UNC5D: variants seen among roughly 807,000 people sequenced by gnomAD.
UNC5D encodes netrin receptor UNC5D.
A neutral mutation model predicts 105.4 loss-of-function variants in UNC5D; 39 were observed. The ratio of observed to expected loss-of-function variants is 0.37; its 90% confidence interval spans 0.29 to 0.48. The LOEUF is 0.48. UNC5D is among the 20% of genes least tolerant of loss of function. The probability of loss-of-function intolerance (pLI) is 0.98; values close to 1 mark genes in which losing one functional copy is unlikely to be tolerated. For missense variants in UNC5D, 991 were observed against 1,202.4 expected (o/e 0.82, Z 2.60); for synonymous variants, 452 against 450.4 (o/e 1.00, Z -0.04).
In UNC5D at chr8:35,636,409, G is replaced by A. The variant is rs551093276; in HGVS notation, c.570+40752G>A. Among the ~76,000 whole-genome samples, 4 of 152,246 alleles carry A rather than the reference G, an allele frequency of 2.6e-5. No homozygotes were observed. In the South Asian group the frequency reaches 8.3e-4, roughly 32 times the overall value. ...CCCGGAGGCTATCCTGTGAATTATG[G>A]GTGTTTGGCAGCATCCCTGAGCTGT... On this transcript the variant is annotated intron_variant, in intron 4 of 16. Transcript: ENST00000404895.
intron 1 of UNC5D, among the ~76,000 whole-genome samples, chr8:35,354,473 GT>G (rs1308420514): frequency 6.6e-6 from 1 of 152,036 alleles, no homozygotes; most frequent in Admixed American, 6.6e-5. Context: ...ATATGCATGT[GT>G]TTTCAAGGTA....
chr8:35,430,784 ATAACCCCT>A (rs1049235605), intron 1 of UNC5D, among the ~76,000 whole-genome samples: 6 of 152,226 alleles, frequency 3.9e-5, no homozygotes, highest in African/African-American at 1.4e-4. Flanking sequence ...CTGAGAACAG[ATAACCCCT>A]ATCAGCTCTG....
At chr8:35,286,274 A>G (rs1806591919) in intron 1 of UNC5D, among the ~76,000 whole-genome samples, 1 of 152,220 alleles carries the variant, frequency 6.6e-6, no homozygotes, top group South Asian at 2.1e-4. Context: ...ACAGAAATCC[A>G]ACTAGCAACT....
chr8:35,477,995 G>A (rs1414830879), intron 1 of UNC5D, among the ~76,000 whole-genome samples: 1 of 152,078 alleles, frequency 6.6e-6, no homozygotes, highest in Non-Finnish European at 1.5e-5. Flanking sequence ...ATCACTAATG[G>A]AGATGAAGAG....
chr8:35,526,482 A>G (rs996891868), intron 1 of UNC5D, among the ~76,000 whole-genome samples: 5 of 152,210 alleles, frequency 3.3e-5, no homozygotes, highest in African/African-American at 4.8e-5. Flanking sequence ...TGTAGTTGTC[A>G]TAATCGTTTT....
intron 1 of UNC5D, among the ~76,000 whole-genome samples, chr8:35,363,799 A>G (rs977751253): frequency 2.6e-5 from 4 of 152,116 alleles, no homozygotes; most frequent in African/African-American, 9.7e-5. Context: ...GGTTCTCTTT[A>G]TTCTTTTTCC....
chr8:35,670,871 TAAAAAGA>T (rs1824747737), intron 4 of UNC5D, among the ~76,000 whole-genome samples: 1 of 152,100 alleles, frequency 6.6e-6, no homozygotes. Flanking sequence ...GAACTTAAAA[TAAAAAGA>T]TGGCAGAATT....
intron 1 of UNC5D, among the ~76,000 whole-genome samples, chr8:35,349,799 C>A (rs1812070970): frequency 6.6e-6 from 1 of 151,882 alleles, no homozygotes; most frequent in Non-Finnish European, 1.5e-5. Flanking sequence ...TATTAAAAGA[C>A]ATATACTCAA....
intron 1 of UNC5D, among the ~76,000 whole-genome samples, chr8:35,243,334 C>T (rs1341306434): frequency 2.0e-5 from 3 of 152,122 alleles, no homozygotes; most frequent in Non-Finnish European, 4.4e-5. Flanking sequence ...AGGGCGCCGT[C>T]CTGATGCAAT....
chr8:35,658,033 G>A lies in UNC5D; in HGVS notation c.571-25514G>A, dbSNP rs35962276. Among the ~76,000 whole-genome samples the A allele has an allele frequency of 1.2e-3, 186 of 152,208 alleles. 1 individual carries two copies. Among genetic ancestry groups the A allele is most frequent in the Middle Eastern group, 3.4e-3 (1 of 294 alleles). On this transcript the variant is annotated intron_variant, in intron 4 of 16. Coordinates refer to ENST00000404895, the MANE Select transcript of UNC5D (RefSeq NM_080872.4). ...GACTACATACATGTTAAACAGGAAG[G>A]CATCATAATATTACCAGTAAACTAA...
chr8:35,691,603 T>C (rs967815290), intron 7 of UNC5D, among the ~76,000 whole-genome samples: 1 of 152,200 alleles, frequency 6.6e-6, no homozygotes, highest in African/African-American at 2.4e-5. Flanking sequence ...GCAGTGCCTT[T>C]ATACTAGAGT....
intron 1 of UNC5D, among the ~76,000 whole-genome samples, chr8:35,500,386 G>C (rs1422280939): frequency 2.0e-5 from 3 of 152,266 alleles, no homozygotes; most frequent in African/African-American, 7.2e-5. Context: ...CCATTCATGA[G>C]GGCAGAGAGA....
intron 1 of UNC5D, among the ~76,000 whole-genome samples, chr8:35,478,492 A>G (rs770152420): frequency 7.9e-5 from 12 of 152,310 alleles, no homozygotes; most frequent in Admixed American, 1.3e-4. Context: ...TTACATATCT[A>G]TTCTCACTAG....
intron 1 of UNC5D, among the ~76,000 whole-genome samples, chr8:35,453,925 C>A (rs1043415580): frequency 1.3e-5 from 2 of 152,136 alleles, no homozygotes; most frequent in South Asian, 4.1e-4. Context: ...TCTTTCCTCT[C>A]CCCTACCCCC....
chr8:35,612,723 C>CTTTTTTT (rs57450378), intron 4 of UNC5D, among the ~76,000 whole-genome samples: 31 of 64,748 alleles, frequency 4.8e-4, no homozygotes, highest in African/African-American at 9.2e-4. Context: ...AATGTTTTGC[C>CTTTTTTT]TTTTTTTTTT....
rs577091945 is a variant in UNC5D, at chr8:35,720,660, G to A, written c.1118-1550G>A. 9.9e-5 allele frequency among the ~76,000 whole-genome samples: 15 copies of A among 152,264 alleles called. No homozygotes were observed. The East Asian group carries it at 2.5e-3, about 26-fold the overall frequency. On this transcript the variant is annotated intron_variant, in intron 8 of 16. Transcript: ENST00000404895. ...GGCACACGTGGAAACTGAGGCTGACGTTTATCAACTCAGCCATGGTTATGA... is the reference window on the plus strand; with the variant it reads ...GGCACACGTGGAAACTGAGGCTGACATTTATCAACTCAGCCATGGTTATGA...
intron 1 of UNC5D, among the ~76,000 whole-genome samples, chr8:35,476,037 A>G (rs1414152035): frequency 2.6e-5 from 4 of 152,208 alleles, no homozygotes; most frequent in East Asian, 1.9e-4. Flanking sequence ...ACTCTATCGT[A>G]TATTGCACAC....
chr8:35,249,413 C>A (rs750547048), intron 1 of UNC5D, among the ~76,000 whole-genome samples: 54 of 150,194 alleles, frequency 3.6e-4, no homozygotes, highest in African/African-American at 1.3e-3. Context: ...CAAAAATTAA[C>A]CAGGTGTGGT....
chr8:35,433,370 T>C (rs1806783752), intron 1 of UNC5D, among the ~76,000 whole-genome samples: 1 of 152,170 alleles, frequency 6.6e-6, no homozygotes, highest in Non-Finnish European at 1.5e-5. Context: ...TAAAATGTTC[T>C]TTTTCTGACT....
Sources: gnomAD v4.1 joint callset for allele counts (sites outside exome capture counted in the v4.1 genomes callset) on GRCh38, gnomAD v4.1.1 for gene constraint, MANE v1.5 for transcripts, NCBI Gene and HGNC (gene_info 2026-07-23, HGNC 2026-07-21) for gene names.